Variants in GPR39 observed in about 807,000 individuals in gnomAD.
GPR39 encodes zinc sensing receptor.
A neutral mutation model predicts 18.4 loss-of-function variants in GPR39; 23 were observed. The observed-to-expected ratio is 1.25, with a 90% CI of 0.90 to 1.77. The LOEUF is 1.77. Among genes scored for constraint, GPR39 ranks in the 40% most tolerant of loss-of-function variants. GPR39 has a pLI of 0.00. For missense variants in GPR39, 647 were observed against 602.4 expected, an observed-to-expected ratio of 1.07 and a Z score of -0.78; for synonymous variants, 280 against 257.9, an observed-to-expected ratio of 1.09 and a Z score of -0.82.
chr2:132,599,564 A>G (rs958156287), intron 1 of GPR39, among the ~76,000 whole-genome samples: 4 of 152,186 alleles, frequency 2.6e-5, no homozygotes, highest in Non-Finnish European at 5.9e-5. Flanking sequence ...AACAAACACC[A>G]TGGCAGCTAT....
chr2:132,603,301 C>T (rs996857520), intron 1 of GPR39, among the ~76,000 whole-genome samples: 2 of 152,144 alleles, frequency 1.3e-5, no homozygotes, highest in Admixed American at 1.3e-4. Flanking sequence ...CACATGTTCT[C>T]ACTCATGTGG....
intron 1 of GPR39, among the ~76,000 whole-genome samples, chr2:132,525,458 A>G (rs974764059): frequency 6.6e-6 from 1 of 152,232 alleles, no homozygotes; most frequent in African/African-American, 2.4e-5. Flanking sequence ...GACTTTCGTC[A>G]TCATTTGCGG....
chr2:132,563,643 T>C (rs1680294818), intron 1 of GPR39, among the ~76,000 whole-genome samples: 1 of 152,304 alleles, frequency 6.6e-6, no homozygotes, highest in East Asian at 1.9e-4. Flanking sequence ...GCTCAGAGCT[T>C]CTCAACCCTG....
At chr2:132,464,741 A>G (rs777568808) in intron 1 of GPR39, among the ~76,000 whole-genome samples, 2 of 152,126 alleles carry the variant, frequency 1.3e-5, no homozygotes, top group Non-Finnish European at 2.9e-5. Flanking sequence ...TCCTTCCAAC[A>G]TTGCTGCAAT....
intron 1 of GPR39, among the ~76,000 whole-genome samples, chr2:132,500,080 C>T (rs1678988230): frequency 6.6e-6 from 1 of 152,164 alleles, no homozygotes; most frequent in African/African-American, 2.4e-5. Context: ...TTAGTTCTTT[C>T]TCTTGTCTGA....
chr2:132,464,979 C>A (rs560175699), intron 1 of GPR39, among the ~76,000 whole-genome samples: 4 of 152,300 alleles, frequency 2.6e-5, no homozygotes, highest in African/African-American at 9.6e-5. Context: ...TCCCTTAAAC[C>A]AAGAGGTCCT....
chr2:132,616,243 A>C (rs1681332280), intron 1 of GPR39, among the ~76,000 whole-genome samples: 1 of 152,180 alleles, frequency 6.6e-6, no homozygotes, highest in Non-Finnish European at 1.5e-5. Flanking sequence ...GCAGATGAGC[A>C]AACCTGGGGT....
rs1044118201 is a variant in GPR39 at position 132,512,646 on chromosome 2, T to C, written c.856+94748T>C. Among the ~76,000 whole-genome samples, 3 of 152,204 alleles carry C rather than the reference T, an allele frequency of 2.0e-5. No individual in the cohort carries two copies. In the East Asian group the frequency reaches 5.8e-4, roughly 29 times the overall value. On this transcript the variant is annotated intron_variant, in intron 1 of 1. Coordinates refer to ENST00000329321, the MANE Select transcript of GPR39 (RefSeq NM_001508.3). ...CTCATCTGTACTAGGGACTTAACAA[T>C]AGTTTTCACCTAATGGAGTTGTTGT...
intron 1 of GPR39, among the ~76,000 whole-genome samples, chr2:132,565,008 C>T (rs975096609): frequency 1.3e-5 from 2 of 151,298 alleles, no homozygotes; most frequent in Non-Finnish European, 2.9e-5. Context: ...TAGTAGAGAT[C>T]GGGTATCACC....
intron 1 of GPR39, among the ~76,000 whole-genome samples, chr2:132,421,777 T>G (rs1680013734): frequency 6.6e-6 from 1 of 152,026 alleles, no homozygotes; most frequent in Non-Finnish European, 1.5e-5. Flanking sequence ...ATCCTCTGGG[T>G]TTTTAGACCA....
intron 1 of GPR39, among the ~76,000 whole-genome samples, chr2:132,636,814 C>T (rs1218133413): frequency 6.6e-6 from 1 of 152,196 alleles, no homozygotes. Flanking sequence ...GTGTGGTATG[C>T]ATCGACTTGC....
intron 1 of GPR39, among the ~76,000 whole-genome samples, chr2:132,603,507 TG>T (rs1284151514): frequency 6.6e-6 from 1 of 151,976 alleles, no homozygotes; most frequent in African/African-American, 2.4e-5. Flanking sequence ...TTCAACAAGC[TG>T]GAAGAGTGGA....
intron 1 of GPR39, among the ~76,000 whole-genome samples, chr2:132,565,802 G>T (rs1167584867): frequency 6.7e-5 from 10 of 148,784 alleles, no homozygotes; most frequent in African/African-American, 2.5e-4. Flanking sequence ...GTCTATCATT[G>T]TTGGACATTT....
At chr2:132,477,087 T>C (rs1413443836) in intron 1 of GPR39, among the ~76,000 whole-genome samples, 3 of 152,240 alleles carry the variant, frequency 2.0e-5, no homozygotes, top group African/African-American at 4.8e-5. Context: ...TGCTATCCCA[T>C]CTGTTTTTAC....
chr2:132,591,285 A>AC (rs1558850875), intron 1 of GPR39, among the ~76,000 whole-genome samples: 5 of 148,180 alleles, frequency 3.4e-5, no homozygotes, highest in African/African-American at 5.0e-5. Context: ...AAACAAAAAA[A>AC]AACAGAGGAA....
At chr2:132,501,054 GTT>G (rs55720929) in intron 1 of GPR39, among the ~76,000 whole-genome samples, 34,158 of 91,092 alleles carry the variant, frequency 0.37, 5,866 homozygotes, top group Non-Finnish European at 0.49. Flanking sequence ...TATCTTTTGT[GTT>G]TTTTTTTTTT....
At chr2:132,465,236 C>A (rs1232468529) in intron 1 of GPR39, among the ~76,000 whole-genome samples, 2 of 152,040 alleles carry the variant, frequency 1.3e-5, no homozygotes, top group Non-Finnish European at 1.5e-5. Flanking sequence ...TCTGGGCAGT[C>A]GCCTGGACAA....
intron 1 of GPR39, among the ~76,000 whole-genome samples, chr2:132,471,127 C>A: frequency 6.6e-6 from 1 of 151,900 alleles, no homozygotes; most frequent in East Asian, 1.9e-4. Context: ...GAAAGTGAGG[C>A]CAGGGAAGTA....
At chr2:132,476,528 C>T (rs966323432) in intron 1 of GPR39, among the ~76,000 whole-genome samples, 1 of 147,560 alleles carries the variant, frequency 6.8e-6, no homozygotes, top group Non-Finnish European at 1.5e-5. Context: ...CCCAGCTACT[C>T]AGGAGGCTGA....
Sources: gnomAD v4.1 joint callset for allele counts (sites outside exome capture counted in the v4.1 genomes callset) on GRCh38, gnomAD v4.1.1 for gene constraint, MANE v1.5 for transcripts, NCBI Gene and HGNC (gene_info 2026-07-23, HGNC 2026-07-21) for gene names.